The following CNTN4 variants were observed in gnomAD, a reference collection of about 807,000 sequenced individuals.
CNTN4 encodes the protein contactin 4.
In CNTN4, 77 loss-of-function variants were observed where a neutral mutation model predicts 122.5. The ratio of observed to expected loss-of-function variants is 0.63; its 90% confidence interval spans 0.52 to 0.76. The LOEUF (loss-of-function observed/expected upper bound fraction) is 0.76. Among genes scored for constraint, CNTN4 ranks in the 30% least tolerant of loss-of-function variants. The probability of loss-of-function intolerance (pLI) is 0.00; values close to 1 mark genes in which losing one functional copy is unlikely to be tolerated. For missense variants in CNTN4, 1,256 were observed against 1,259.1 expected (o/e 1.00, Z 0.04); for synonymous variants, 512 against 447.0 (o/e 1.15, Z -1.83).
chr3:2,100,974 T>A (rs1203239419), intron 2 of CNTN4, among the ~76,000 whole-genome samples: 1 of 152,304 alleles, frequency 6.6e-6, no homozygotes, highest in East Asian at 1.9e-4. Context: ...CAGAGCCACA[T>A]GTAAGTTTCA....
At chr3:2,374,015 G>A (rs78045729) in intron 3 of CNTN4, among the ~76,000 whole-genome samples, 17,624 of 152,076 alleles carry the variant, frequency 0.12, 1,295 homozygotes, top group Non-Finnish European at 0.16. Flanking sequence ...TGATTTCTTT[G>A]TTAGGATTAG....
At chr3:2,975,702 T>C (rs1693354559) in intron 13 of CNTN4, among the ~76,000 whole-genome samples, 1 of 152,208 alleles carries the variant, frequency 6.6e-6, no homozygotes, top group Non-Finnish European at 1.5e-5. Flanking sequence ...TTTTACAAGC[T>C]ACTCTGCTGT....
intron 4 of CNTN4, among the ~76,000 whole-genome samples, chr3:2,583,707 T>C (rs369758499): frequency 6.6e-6 from 1 of 152,230 alleles, no homozygotes; most frequent in East Asian, 1.9e-4. Flanking sequence ...TATTTATTAA[T>C]TTATGAATGA....
intron 4 of CNTN4, among the ~76,000 whole-genome samples, chr3:2,700,021 A>G (rs764130617): frequency 6.6e-6 from 1 of 152,076 alleles, no homozygotes; most frequent in Non-Finnish European, 1.5e-5. Flanking sequence ...GTATCTCTGA[A>G]CATGAACCTG....
intron 2 of CNTN4, among the ~76,000 whole-genome samples, chr3:2,137,230 A>G (rs1191662942): frequency 2.0e-5 from 3 of 152,200 alleles, no homozygotes; most frequent in African/African-American, 7.2e-5. Context: ...TGAAATGTCA[A>G]TTTCATACCT....
chr3:2,568,753 A>C (rs2079292737), intron 3 of CNTN4, among the ~76,000 whole-genome samples: 1 of 152,174 alleles, frequency 6.6e-6, no homozygotes, highest in Admixed American at 6.6e-5. Context: ...GCAAAGGTGA[A>C]CCTTACCTAC....
intron 7 of CNTN4, among the ~76,000 whole-genome samples, chr3:2,832,727 T>C (rs2093130958): frequency 6.6e-6 from 1 of 152,142 alleles, no homozygotes; most frequent in African/African-American, 2.4e-5. Flanking sequence ...CAAAATCTTA[T>C]GAAATCAATG....
chr3:2,187,244 G>A (rs1209880042), intron 2 of CNTN4, among the ~76,000 whole-genome samples: 1 of 152,188 alleles, frequency 6.6e-6, no homozygotes, highest in Non-Finnish European at 1.5e-5. Context: ...TTGTAGATGT[G>A]TGGTATTATT....
At chr3:2,976,019 A>G (rs141226629) in intron 13 of CNTN4, among the ~76,000 whole-genome samples, 1 of 152,206 alleles carries the variant, frequency 6.6e-6, no homozygotes, top group Non-Finnish European at 1.5e-5. Flanking sequence ...TTAAGAAACA[A>G]ATTTTAGGCA....
At chr3:2,690,049 C>A (rs2085646297) in intron 4 of CNTN4, among the ~76,000 whole-genome samples, 1 of 152,098 alleles carries the variant, frequency 6.6e-6, no homozygotes, top group African/African-American at 2.4e-5. Context: ...AGCAGTCATA[C>A]CAGCCTATGA....
At chr3:2,235,087 A>G (rs1472973606) in intron 2 of CNTN4, among the ~76,000 whole-genome samples, 5 of 152,204 alleles carry the variant, frequency 3.3e-5, no homozygotes, top group African/African-American at 1.2e-4. Context: ...AACTAACAAA[A>G]GAACCAAGTG....
At chr3:2,171,335 A>C (rs375206507) in intron 2 of CNTN4, among the ~76,000 whole-genome samples, 2 of 152,230 alleles carry the variant, frequency 1.3e-5, no homozygotes, top group East Asian at 1.9e-4. Context: ...AAACACTCAT[A>C]AAATAGGATG....
At chr3:2,604,078 G>A (rs2081158751) in intron 4 of CNTN4, among the ~76,000 whole-genome samples, 1 of 152,172 alleles carries the variant, frequency 6.6e-6, no homozygotes, top group East Asian at 1.9e-4. Context: ...ACTTGGAAGT[G>A]AGATGTAATT....
At chr3:2,529,448 C>T (rs2077516227) in intron 3 of CNTN4, among the ~76,000 whole-genome samples, 1 of 152,100 alleles carries the variant, frequency 6.6e-6, no homozygotes. Flanking sequence ...TACTGATTTA[C>T]TTTCCTTCAG....
At chr3:2,510,563 G>A (rs146307781) in intron 3 of CNTN4, among the ~76,000 whole-genome samples, 69 of 152,142 alleles carry the variant, frequency 4.5e-4, no homozygotes, top group African/African-American at 1.7e-3. Flanking sequence ...TGACACAGGC[G>A]CTGAGTCTCC....
At chr3:2,303,037 A>T (rs187475551) in intron 2 of CNTN4, among the ~76,000 whole-genome samples, 32 of 152,292 alleles carry the variant, frequency 2.1e-4, no homozygotes, top group Admixed American at 2.0e-3. Flanking sequence ...CAGTTTACAT[A>T]TATAATGATG....
At chr3:2,785,078 G>A (rs566571291) in intron 6 of CNTN4, among the ~76,000 whole-genome samples, 3 of 151,362 alleles carry the variant, frequency 2.0e-5, no homozygotes, top group African/African-American at 7.3e-5. Context: ...AAGTACATGT[G>A]TTCTATTTGT....
rs761439283 is a variant in CNTN4, at chr3:2,988,414, C to T, written c.1428C>T (p.Thr476=). Reference sequence around the variant, plus strand: ...CTAAATCAGACGCTGGGAGTTATACCTGTATAGCCACTAACCATTTTGGAA... The same window carrying T: ...CTAAATCAGACGCTGGGAGTTATACTTGTATAGCCACTAACCATTTTGGAA... ...NVTKSDAGSY[T]CIATNHFGTA... is the part of the protein sequence containing the mutation. The change falls in exon 14 of 25, where the codon ACC becomes ACT. Residue 476 remains threonine (T), a synonymous_variant. Coordinates refer to ENST00000418658, the MANE Select transcript of CNTN4 (RefSeq NM_175607.3). 2.4e-5 allele frequency: 38 copies of T among 1,613,620 alleles called. No homozygotes were observed. The highest frequency in any genetic ancestry group is 3.1e-5 in the Non-Finnish European group (37 of 1,179,660).
At chr3:2,895,922 A>G (rs1411868627) in intron 10 of CNTN4, among the ~76,000 whole-genome samples, 1 of 152,042 alleles carries the variant, frequency 6.6e-6, no homozygotes, top group South Asian at 2.1e-4. Context: ...GGTCCCAGCT[A>G]CTCGGGAGGC....
Sources: allele counts gnomAD v4.1 joint callset (sites outside exome capture counted in the v4.1 genomes callset), GRCh38; gene constraint gnomAD v4.1.1; transcripts MANE v1.5; gene names NCBI Gene and HGNC (gene_info 2026-07-23, HGNC 2026-07-21).